PRKAR1B: variants seen among roughly 807,000 people sequenced by gnomAD.
The protein encoded by PRKAR1B is cAMP-dependent protein kinase type I-beta regulatory subunit.
A neutral mutation model predicts 46.5 loss-of-function variants in PRKAR1B; 22 were observed. That is an observed-to-expected ratio of 0.47 (90% CI 0.34 to 0.68). PRKAR1B has a LOEUF of 0.68. Ranked by LOEUF, PRKAR1B falls within the 30% of genes least tolerant of loss-of-function variation. The pLI is 0.01. For missense variants in PRKAR1B, 445 were observed against 535.6 expected (o/e 0.83, Z 1.67); for synonymous variants, 259 against 217.7 (o/e 1.19, Z -1.67).
chr7:558,012 T>A (rs1778555535), intron 9 of PRKAR1B, among the ~76,000 whole-genome samples: 1 of 152,098 alleles, frequency 6.6e-6, no homozygotes, highest in South Asian at 2.1e-4. Context: ...TTTGATTTTT[T>A]AAAATTTCCT....
intron 4 of PRKAR1B, among the ~76,000 whole-genome samples, chr7:669,229 G>A (rs150462557): frequency 5.3e-5 from 8 of 152,248 alleles, no homozygotes; most frequent in Non-Finnish European, 1.0e-4. Context: ...CATCACGAAA[G>A]GTCATATATC....
intron 7 of PRKAR1B, among the ~76,000 whole-genome samples, chr7:592,568 G>A (rs1781041104): frequency 6.6e-6 from 1 of 152,246 alleles, no homozygotes; most frequent in Admixed American, 6.5e-5. Flanking sequence ...GGGGGCTGAG[G>A]GGCGGGGAGG....
At chr7:573,962 G>A (rs1022490199) in intron 9 of PRKAR1B, among the ~76,000 whole-genome samples, 1 of 152,242 alleles carries the variant, frequency 6.6e-6, no homozygotes, top group Non-Finnish European at 1.5e-5. Context: ...TGTGCGTGGG[G>A]GGCTCCCAGG....
At chr7:692,357 G>A (rs913308026) in intron 2 of PRKAR1B, among the ~76,000 whole-genome samples, 14 of 152,152 alleles carry the variant, frequency 9.2e-5, no homozygotes, top group African/African-American at 2.4e-4. Flanking sequence ...CTGAGATCGC[G>A]CCATGGCACT....
intron 4 of PRKAR1B, among the ~76,000 whole-genome samples, chr7:619,262 G>A (rs1279907283): frequency 6.6e-6 from 1 of 152,186 alleles, no homozygotes; most frequent in South Asian, 2.1e-4. Flanking sequence ...CCCTCAGGGG[G>A]AACCAGCCCT....
chr7:651,894 C>T (rs188630118), intron 4 of PRKAR1B, among the ~76,000 whole-genome samples: 51 of 97,334 alleles, frequency 5.2e-4, no homozygotes, highest in African/African-American at 1.8e-3. Flanking sequence ...ACCCACACAA[C>T]GCTAGGAACC....
intron 10 of PRKAR1B, among the ~76,000 whole-genome samples, chr7:551,177 C>A (rs367908454): frequency 6.6e-6 from 1 of 152,148 alleles, no homozygotes; most frequent in Non-Finnish European, 1.5e-5. Context: ...ACGTCCAGGG[C>A]TCGTTGCTCC....
chr7:709,409 C>T (rs1311581337), intron 2 of PRKAR1B, among the ~76,000 whole-genome samples: 2 of 139,150 alleles, frequency 1.4e-5, no homozygotes, highest in South Asian at 2.2e-4. Context: ...GTCTCGCTGT[C>T]GCCCAGGCTA....
At chr7:594,443 G>A (rs908453244) in intron 7 of PRKAR1B, among the ~76,000 whole-genome samples, 5 of 152,278 alleles carry the variant, frequency 3.3e-5, no homozygotes, top group South Asian at 2.1e-4. Context: ...CAAGCCCACC[G>A]CCACCAGGTT....
chr7:628,526 C>T (rs2128477442), intron 4 of PRKAR1B, among the ~76,000 whole-genome samples: 1 of 152,350 alleles, frequency 6.6e-6, no homozygotes, highest in African/African-American at 2.4e-5. Flanking sequence ...GGAGCTCCTC[C>T]CAGGCCCGTG....
At chr7:588,516 ATGATGGTGGTGACGGTGG>A (rs1780736492) in intron 7 of PRKAR1B, among the ~76,000 whole-genome samples, 2 of 115,036 alleles carry the variant, frequency 1.7e-5, no homozygotes, top group South Asian at 3.4e-4. Flanking sequence ...GGTGATCACG[ATGATGGTGGTGACGGTGG>A]TGATGGTGGT....
intron 4 of PRKAR1B, among the ~76,000 whole-genome samples, chr7:652,098 C>A (rs113216060): frequency 1.8e-4 from 18 of 99,082 alleles, no homozygotes; most frequent in South Asian, 1.6e-3. Flanking sequence ...ACCCACACAG[C>A]GCTAGGAACC....
intron 9 of PRKAR1B, among the ~76,000 whole-genome samples, chr7:553,564 C>T (rs934806763): frequency 7.2e-5 from 11 of 152,224 alleles, no homozygotes; most frequent in Admixed American, 3.3e-4. Context: ...GATCACGTCC[C>T]CACAGCCCCA....
At chr7:570,566 G>A (rs946909497) in intron 9 of PRKAR1B, among the ~76,000 whole-genome samples, 12 of 151,682 alleles carry the variant, frequency 7.9e-5, no homozygotes, top group South Asian at 2.1e-4. Flanking sequence ...ATCCCCCGCC[G>A]TCCCCTCAGG....
In PRKAR1B at chr7:570,183, C is replaced by G. The variant is rs544938148; in HGVS notation, c.891+9073G>C. 9.8e-3 allele frequency among the ~76,000 whole-genome samples: 1,487 copies of G among 152,290 alleles called. 12 individuals are homozygous for G. Among genetic ancestry groups the G allele is most frequent in the Non-Finnish European group, 0.016 (1,092 of 68,020 alleles). ...CGCGAGAGGAGGGAGGACGCGCGGC[C>G]GGTGCAGGTTCCCCCACAGGCACAT... On this transcript the variant is annotated intron_variant, in intron 9 of 10. Coordinates refer to ENST00000537384, the MANE Select transcript of PRKAR1B (RefSeq NM_001164760.2).
At chr7:605,391 G>A (rs1267875355) in intron 6 of PRKAR1B, among the ~76,000 whole-genome samples, 2 of 152,252 alleles carry the variant, frequency 1.3e-5, no homozygotes, top group East Asian at 3.9e-4. Flanking sequence ...GGGGATGAGG[G>A]GGCCTCAAAG....
intron 2 of PRKAR1B, chr7:691,691 CG>C (rs1335108819): frequency 7.8e-7 from 1 of 1,275,604 alleles, no homozygotes; most frequent in Admixed American, 2.4e-5. Context: ...TGACCTCACA[CG>C]GTCAAAAGCA....
At chr7:726,889 C>G in intron 1 of PRKAR1B, 1 of 1,333,824 alleles carries the variant, frequency 7.5e-7, no homozygotes. Context: ...GCGGCGCGCG[C>G]TGGAGGAGCC....
intron 3 of PRKAR1B, among the ~76,000 whole-genome samples, chr7:677,722 C>T (rs908129270): frequency 6.6e-6 from 1 of 152,188 alleles, no homozygotes; most frequent in Non-Finnish European, 1.5e-5. Context: ...CCACCGCACC[C>T]AGCCTCTTGT....
Sources: gnomAD v4.1 joint callset for allele counts (sites outside exome capture counted in the v4.1 genomes callset) on GRCh38, gnomAD v4.1.1 for gene constraint, MANE v1.5 for transcripts, NCBI Gene and HGNC (gene_info 2026-07-23, HGNC 2026-07-21) for gene names.